The following BRCA2 variants were observed in gnomAD, a reference collection of about 807,000 sequenced individuals.
The protein encoded by BRCA2 is breast cancer type 2 susceptibility protein.
Under a neutral mutation model 276.7 loss-of-function variants are expected in BRCA2, and 203 were observed. The observed-to-expected ratio is 0.73, with a 90% confidence interval of 0.65 to 0.82. The LOEUF is 0.82. Ranked by LOEUF, BRCA2 falls within the 40% of genes least tolerant of loss-of-function variation. BRCA2 has a pLI of 0.00. For missense variants in BRCA2, 3,920 were observed against 3,915.0 expected (o/e 1.00, Z -0.03); for synonymous variants, 1,289 against 1,338.4 (o/e 0.96, Z 0.81).
rs749810048 is a variant in BRCA2 at position 32,336,699 on chromosome 13, C to G, written c.2344C>G (p.Leu782Val). ...TACTTCCAAGGATGTTCTGTCAAAC[C>G]TAGTCATGATTTCTAGAGGCAAAGA... Reference protein sequence around the residue: ...TPTSKDVLSNLVMISRGKESY... With the variant: ...TPTSKDVLSNVVMISRGKESY... The change falls in exon 11 of 27, where the codon CTA (leucine) becomes GTA (valine). Residue 782 changes from leucine (L) to valine (V), a missense_variant. Coordinates refer to ENST00000380152, the MANE Select transcript of BRCA2 (RefSeq NM_000059.4). 5.6e-6 allele frequency: 9 copies of G among 1,613,808 alleles called. No homozygotes were observed. The highest frequency in any genetic ancestry group is 6.8e-6 in the Non-Finnish European group (8 of 1,179,842).
At chr13:32,316,548 A>C (rs1346237583) in intron 2 of BRCA2, 21 bp downstream of exon 2, 2 of 1,597,700 alleles carry the variant, frequency 1.3e-6, no homozygotes, top group African/African-American at 2.7e-5. Flanking sequence ...ATTTTATATA[A>C]CTTTATAAAT....
intron 3 of BRCA2, among the ~76,000 whole-genome samples, chr13:32,323,719 C>A (rs986882826): frequency 6.6e-6 from 1 of 151,956 alleles, no homozygotes; most frequent in African/African-American, 2.4e-5. Flanking sequence ...CTTATTTTTC[C>A]CAAAAGCTAA....
rs533650737 is a variant in BRCA2, at chr13:32,391,886, C to T, written c.9257-2803C>T. ...ATCCAGACATGGAAACCTCCACTTA[C>T]GTAAAAGTGCAATGAGGAAACTACA... On this transcript the variant is annotated intron_variant, in intron 24 of 26. Coordinates refer to ENST00000380152, the MANE Select transcript of BRCA2 (RefSeq NM_000059.4). 8.5e-5 allele frequency among the ~76,000 whole-genome samples: 13 copies of T among 152,258 alleles called. No individual in the cohort carries two copies. The East Asian group carries it at 2.3e-3, about 27-fold the overall frequency.
chr13:32,352,887 A>G (rs2072662205), intron 13 of BRCA2, among the ~76,000 whole-genome samples: 1 of 152,226 alleles, frequency 6.6e-6, no homozygotes, highest in Non-Finnish European at 1.5e-5. Context: ...CCAGATAGTG[A>G]TAAGTTGAGA....
intron 26 of BRCA2, among the ~76,000 whole-genome samples, chr13:32,397,687 T>G (rs1593201353): frequency 6.6e-6 from 1 of 152,218 alleles, no homozygotes; most frequent in African/African-American, 2.4e-5. Context: ...CTATCAATTA[T>G]GTTAAGTGAG....
intron 25 of BRCA2, 149 bp downstream of exon 25, chr13:32,395,082 G>A (rs1432460527): frequency 2.6e-5 from 28 of 1,072,340 alleles, no homozygotes; most frequent in Non-Finnish European, 3.6e-5. Flanking sequence ...ATGAACCTCA[G>A]GAGATGGGGG....
chr13:32,333,673 CGT>C (rs1446486175), intron 10 of BRCA2, among the ~76,000 whole-genome samples: 1 of 152,084 alleles, frequency 6.6e-6, no homozygotes, highest in Non-Finnish European at 1.5e-5. Flanking sequence ...CATAAGTAAA[CGT>C]ATGCCATGTT....
chr13:32,319,027 A>T (rs1467060043), intron 2 of BRCA2, 50 bp from the exon 3 acceptor site: 6 of 1,605,362 alleles, frequency 3.7e-6, no homozygotes, highest in Middle Eastern at 2.0e-4. Flanking sequence ...CTGGGTCACA[A>T]ATTTGTCTGT....
intron 18 of BRCA2, among the ~76,000 whole-genome samples, chr13:32,365,907 C>G (rs972147748): frequency 1.3e-5 from 2 of 151,596 alleles, no homozygotes; most frequent in African/African-American, 4.8e-5. Context: ...TGTTTGGACA[C>G]TAGGCCTCCT....
At position 32,339,520 on chromosome 13, in the gene BRCA2, G is replaced by T. The variant is rs773707172; in HGVS notation, c.5165G>T (p.Ser1722Ile). 3 of 1,601,940 alleles carry T rather than the reference G, an allele frequency of 1.9e-6. No individual in the cohort carries two copies. Among genetic ancestry groups the T allele is most frequent in the Non-Finnish European group, 2.6e-6 (3 of 1,174,458 alleles). Residue 1722 changes from serine to isoleucine, a missense_variant, in exon 11 of 27, where the codon AGT becomes ATT. Ser to Ile is a moderately radical substitution (Grantham distance 142). This residue lies in a region of BRCA2 where 3,263 missense variants were observed against 3,156.9 expected (regional missense o/e 1.03). Transcript: ENST00000380152. ...TATTTGTATGAAAATAATTCAAACA[G>T]TACTATAGCTGAAAATGACAAAAAT... ...GNYLYENNSN[S>I]TIAENDKNHL... is the part of the protein sequence containing the mutation.
intron 10 of BRCA2, 123 bp downstream of exon 10, chr13:32,333,510 A>G: frequency 2.7e-6 from 3 of 1,100,588 alleles, no homozygotes; most frequent in African/African-American, 1.6e-5. Context: ...CATCATCTGT[A>G]TACATGATTG....
chr13:32,363,169 T>C lies in BRCA2; in HGVS notation c.7977-10T>C, dbSNP rs1367655290. The C allele has an allele frequency of 6.2e-7, 1 of 1,609,966 alleles. No homozygotes were observed. The highest frequency in any genetic ancestry group is 8.5e-7 in the Non-Finnish European group (1 of 1,177,000). ...CTTCCTAAAATATGCATTTTTGTTT[T>C]CACTTTTAGATATGATACGGAAATT... On this transcript the variant is annotated splice_polypyrimidine_tract_variant and intron_variant, in intron 17 of 26. Transcript: ENST00000380152.
At position 32,338,344 on chromosome 13, in the gene BRCA2, A is replaced by G. The variant is rs1057520792; in HGVS notation, c.3989A>G (p.Asn1330Ser). 4 of 1,585,336 alleles carry G rather than the reference A, an allele frequency of 2.5e-6. No individual in the cohort carries two copies. The East Asian group carries it at 9.0e-5, about 36-fold the overall frequency. Residue 1330 changes from asparagine to serine, a missense_variant, in exon 11 of 27, where the codon AAT (asparagine) becomes AGT (serine). Transcript: ENST00000380152. ...AACAAATATACTGCTGCCAGTAGAA[A>G]TTCTCATAACTTAGAATTTGATGGC... ...EDNKYTAASR[N>S]SHNLEFDGSD...
At position 32,379,774 on chromosome 13, in the gene BRCA2, C is replaced by CTG; in HGVS notation, c.8978_8979insTG (p.Ser2994AspfsTer8). 6.2e-7 allele frequency: 1 copy of CTG among 1,612,486 alleles called. No homozygotes were observed. Among genetic ancestry groups the CTG allele is most frequent in the Non-Finnish European group, 8.5e-7 (1 of 1,178,582 alleles). On this transcript the variant is annotated frameshift_variant, in exon 23 of 27. Transcript: ENST00000380152. LOFTEE classifies it high-confidence loss of function. Reference sequence around the variant, plus strand: ...GTTATACTGAGTATTTGGCGTCCATCATCAGATTTATATTCTCTGTTAACA... The same window carrying CTG: ...GTTATACTGAGTATTTGGCGTCCATCTGATCAGATTTATATTCTCTGTTAACA...
intron 13 of BRCA2, among the ~76,000 whole-genome samples, chr13:32,351,487 G>A (rs1372282619): frequency 6.6e-6 from 1 of 152,222 alleles, no homozygotes; most frequent in African/African-American, 2.4e-5. Flanking sequence ...CATTCTTGAA[G>A]TCAGCAAGAC....
upstream of BRCA2, chr13:32,315,240 G>C (rs1479605894): frequency 6.6e-6 from 1 of 152,558 alleles, no homozygotes; most frequent in African/African-American, 2.4e-5. Flanking sequence ...GGGGGACTTG[G>C]AGTAGGCATA....
chr13:32,316,898 TTAAAAC>T (rs1441730338), intron 2 of BRCA2, among the ~76,000 whole-genome samples: 1 of 152,166 alleles, frequency 6.6e-6, no homozygotes, highest in Non-Finnish European at 1.5e-5. Context: ...TATTAGAAAT[TTAAAAC>T]TAAGAATTTA....
intron 18 of BRCA2, among the ~76,000 whole-genome samples, chr13:32,365,540 C>A (rs1431554160): frequency 6.6e-6 from 1 of 151,932 alleles, no homozygotes; most frequent in African/African-American, 2.4e-5. Flanking sequence ...GCCACCACAC[C>A]CAGCCAAATT....
At chr13:32,347,665 A>G (rs2072620891) in intron 13 of BRCA2, among the ~76,000 whole-genome samples, 2 of 152,336 alleles carry the variant, frequency 1.3e-5, no homozygotes, top group East Asian at 1.9e-4. Flanking sequence ...CTGTATGTCA[A>G]GCAGTGAGAC....
Sources: allele counts gnomAD v4.1 joint callset (sites outside exome capture counted in the v4.1 genomes callset), GRCh38; gene constraint gnomAD v4.1.1; regional missense constraint gnomAD v4.1.1; transcripts MANE v1.5; gene names NCBI Gene and HGNC (gene_info 2026-07-23, HGNC 2026-07-21).